Variants in CALN1 observed in about 807,000 individuals in gnomAD.
CALN1 encodes calneuron 1.
In CALN1, 17 loss-of-function variants were observed where a neutral mutation model predicts 30.6. That is an observed-to-expected ratio of 0.56 (90% confidence interval 0.38 to 0.83). The LOEUF (loss-of-function observed/expected upper bound fraction) is 0.83. CALN1 is among the 40% of genes least tolerant of loss of function. The probability of loss-of-function intolerance (pLI) is 0.00; values close to 1 mark genes in which losing one functional copy is unlikely to be tolerated. For missense variants in CALN1, 291 were observed against 354.9 expected, an observed-to-expected ratio of 0.82 and a Z score of 1.45; for synonymous variants, 156 against 131.4, an observed-to-expected ratio of 1.19 and a Z score of -1.28.
chr7:72,225,936 A>C (rs1793641469), intron 3 of CALN1, among the ~76,000 whole-genome samples: 1 of 151,986 alleles, frequency 6.6e-6, no homozygotes, highest in South Asian at 2.1e-4. Context: ...TCTCTACTAA[A>C]AATACAAAAA....
chr7:71,827,078 G>C (rs1452814464), intron 5 of CALN1, among the ~76,000 whole-genome samples: 1 of 152,172 alleles, frequency 6.6e-6, no homozygotes, highest in Non-Finnish European at 1.5e-5. Flanking sequence ...GCAGAGCCTG[G>C]GCTTGTCACA....
intron 3 of CALN1, among the ~76,000 whole-genome samples, chr7:72,107,462 C>T (rs1807254904): frequency 6.6e-6 from 1 of 152,224 alleles, no homozygotes; most frequent in Non-Finnish European, 1.5e-5. Context: ...GAGAACTTGA[C>T]TCTGCGGTCA....
At chr7:72,331,976 T>C (rs912781919) in intron 2 of CALN1, among the ~76,000 whole-genome samples, 4 of 152,230 alleles carry the variant, frequency 2.6e-5, no homozygotes, top group Non-Finnish European at 4.4e-5. Flanking sequence ...GTTCCTGCGT[T>C]TGCCAAGGAT....
intron 5 of CALN1, among the ~76,000 whole-genome samples, chr7:71,941,009 T>G (rs1014421782): frequency 2.0e-5 from 3 of 152,096 alleles, no homozygotes; most frequent in Admixed American, 6.6e-5. Context: ...ACTCCAAGGT[T>G]TAATAAAAGC....
intron 6 of CALN1, among the ~76,000 whole-genome samples, chr7:71,802,251 T>C (rs865958526): frequency 1.5e-4 from 23 of 152,310 alleles, no homozygotes; most frequent in South Asian, 6.2e-4. Flanking sequence ...CTGAATTCCA[T>C]AGATGCCAGC....
At chr7:72,254,778 G>A (rs1327586089) in intron 3 of CALN1, among the ~76,000 whole-genome samples, 9 of 151,128 alleles carry the variant, frequency 6.0e-5, no homozygotes, top group East Asian at 5.8e-4. Flanking sequence ...TTTCCCCCCC[G>A]CTGAGACAGA....
intron 5 of CALN1, among the ~76,000 whole-genome samples, chr7:71,940,464 A>G (rs918206552): frequency 2.0e-5 from 3 of 152,180 alleles, no homozygotes; most frequent in African/African-American, 7.2e-5. Flanking sequence ...GCTGTGGAAA[A>G]TATCAGGCTT....
intron 1 of CALN1, among the ~76,000 whole-genome samples, chr7:72,439,974 A>G (rs1808300855): frequency 1.3e-5 from 2 of 152,156 alleles, no homozygotes; most frequent in African/African-American, 4.8e-5. Flanking sequence ...AAAAAGATCC[A>G]TGTATAAGTG....
rs186631301 is a variant in CALN1 at position 71,988,112 on chromosome 7, C to T, written c.501+35545G>A. Among the ~76,000 whole-genome samples, 5 of 152,240 alleles carry T rather than the reference C, an allele frequency of 3.3e-5. No homozygotes were observed. The East Asian group carries it at 9.7e-4, about 29-fold the overall frequency. Reference sequence around the variant, plus strand: ...GCCATCTTCATCATCATCATCATCACCACCATCATTGTCGTCATCACAGCA... The same window carrying T: ...GCCATCTTCATCATCATCATCATCATCACCATCATTGTCGTCATCACAGCA... On this transcript the variant is annotated intron_variant, in intron 5 of 6. Transcript: ENST00000395275.
At chr7:72,315,691 T>C (rs1262158424) in intron 2 of CALN1, among the ~76,000 whole-genome samples, 2 of 150,880 alleles carry the variant, frequency 1.3e-5, no homozygotes, top group Non-Finnish European at 2.9e-5. Context: ...TGTGACACAG[T>C]GAGACCCTGT....
At chr7:71,830,356 TTC>T (rs1297987621) in intron 5 of CALN1, among the ~76,000 whole-genome samples, 3 of 147,286 alleles carry the variant, frequency 2.0e-5, no homozygotes, top group Non-Finnish European at 3.0e-5. Flanking sequence ...AGTTCTTTTT[TTC>T]TTTTTTTGAG....
chr7:72,125,437 C>T (rs779492448), intron 3 of CALN1, among the ~76,000 whole-genome samples: 8 of 152,182 alleles, frequency 5.3e-5, no homozygotes, highest in Non-Finnish European at 1.2e-4. Flanking sequence ...CCCTGGCCTG[C>T]GTGCTTGCCA....
chr7:72,278,099 T>A (rs553728816), intron 3 of CALN1, among the ~76,000 whole-genome samples: 2 of 151,406 alleles, frequency 1.3e-5, no homozygotes, highest in East Asian at 3.9e-4. Flanking sequence ...AATTTAGTCA[T>A]CACGTTCCCA....
chr7:72,072,060 T>C (rs779102824), intron 4 of CALN1, among the ~76,000 whole-genome samples: 1 of 152,036 alleles, frequency 6.6e-6, no homozygotes, highest in African/African-American at 2.4e-5. Context: ...GACCAACATA[T>C]ACATTATGGA....
chr7:71,824,012 C>T (rs1788761267), intron 5 of CALN1, among the ~76,000 whole-genome samples: 1 of 152,084 alleles, frequency 6.6e-6, no homozygotes, highest in South Asian at 2.1e-4. Flanking sequence ...TCAGCTCCCT[C>T]CCATGACACG....
At chr7:72,300,235 T>G (rs545838906) in intron 2 of CALN1, among the ~76,000 whole-genome samples, 1 of 152,096 alleles carries the variant, frequency 6.6e-6, no homozygotes, top group Non-Finnish European at 1.5e-5. Context: ...TGATACTTCA[T>G]AGCAATTGAA....
At chr7:72,181,107 C>CCCT (rs1789767059) in intron 3 of CALN1, among the ~76,000 whole-genome samples, 1 of 95,370 alleles carries the variant, frequency 1.0e-5, no homozygotes, top group East Asian at 4.4e-4. Flanking sequence ...CCCCCCCCCC[C>CCCT]CCCAAAAAAA....
chr7:72,182,047 T>C (rs1789848057), intron 3 of CALN1, among the ~76,000 whole-genome samples: 1 of 152,322 alleles, frequency 6.6e-6, no homozygotes, highest in Admixed American at 6.5e-5. Flanking sequence ...AAGTTAGTCA[T>C]GAATCATTTA....
At chr7:72,144,822 C>T (rs1810227345) in intron 3 of CALN1, among the ~76,000 whole-genome samples, 1 of 152,216 alleles carries the variant, frequency 6.6e-6, no homozygotes, top group African/African-American at 2.4e-5. Context: ...AAGAAACTCA[C>T]TCAAAACCGC....
Sources: allele counts gnomAD v4.1 joint callset (sites outside exome capture counted in the v4.1 genomes callset), GRCh38; gene constraint gnomAD v4.1.1; transcripts MANE v1.5; gene names NCBI Gene and HGNC (gene_info 2026-07-23, HGNC 2026-07-21).